The following INPP5F variants were observed in gnomAD, a reference collection of about 807,000 sequenced individuals.
INPP5F encodes the protein phosphatidylinositide 4-phosphatase SAC2.
In INPP5F, 97 loss-of-function variants were observed where a neutral mutation model predicts 137.2. That is an observed-to-expected ratio of 0.71 (90% CI 0.60 to 0.84). INPP5F has a LOEUF of 0.84. Ranked by LOEUF, INPP5F falls within the 40% of genes least tolerant of loss-of-function variation. The pLI is 0.00. For synonymous variants in INPP5F, 504 were observed against 476.9 expected, an observed-to-expected ratio of 1.06 and a Z score of -0.74; for missense variants, 1,271 against 1,371.9, an observed-to-expected ratio of 0.93 and a Z score of 1.16.
chr10:119,796,632 A>G, intron 6 of INPP5F, 83 bp from the exon 7 acceptor site: 1 of 1,043,668 alleles, frequency 9.6e-7, no homozygotes, highest in Non-Finnish European at 1.5e-6. Context: ...AAACTGAGAA[A>G]TATGTGCTGA....
chr10:119,812,018 T>G (rs1851057265), intron 15 of INPP5F, 63 bp downstream of exon 15: 2 of 1,274,306 alleles, frequency 1.6e-6, no homozygotes, highest in Non-Finnish European at 2.3e-6. Context: ...TTGTCATGAT[T>G]AACACTGGCA....
At chr10:119,744,194 C>G (rs1428848682) in intron 1 of INPP5F, among the ~76,000 whole-genome samples, 3 of 152,184 alleles carry the variant, frequency 2.0e-5, no homozygotes, top group African/African-American at 7.2e-5. Context: ...TTGACTCCCC[C>G]CCTTTTTCTT....
Position 119,758,708 on chromosome 10 carries a change from C to G in INPP5F, c.178+7552C>G, listed in dbSNP as rs565973706. On this transcript the variant is annotated intron_variant, in intron 2 of 19. Coordinates refer to ENST00000650623, the MANE Select transcript of INPP5F (RefSeq NM_014937.4). ...CTTGATTAATGTGGCAATAGAGGCT[C>G]TTTGTTTAGTAATTAACTGAATTAC... Among the ~76,000 whole-genome samples the G allele has an allele frequency of 1.3e-5, 2 of 152,288 alleles. 1 individual carries two copies. The highest frequency in any genetic ancestry group is 4.1e-4 in the South Asian group (2 of 4,826).
At chr10:119,821,761 T>C (rs1194035521) in intron 16 of INPP5F, among the ~76,000 whole-genome samples, 2 of 151,794 alleles carry the variant, frequency 1.3e-5, no homozygotes, top group Non-Finnish European at 2.9e-5. Context: ...TGTGTGTGTG[T>C]GCACACGCGC....
At chr10:119,781,126 T>C (rs942877190) in intron 2 of INPP5F, among the ~76,000 whole-genome samples, 2 of 152,260 alleles carry the variant, frequency 1.3e-5, no homozygotes, top group Non-Finnish European at 2.9e-5. Context: ...ATCTGGACAT[T>C]AGGCTGTTTC....
chr10:119,827,073 G>T lies in INPP5F; in HGVS notation c.2692G>T (p.Ala898Ser). ...VLPSCGIIAS[A>S]PRLGSRSQSL... Reference sequence around the variant, plus strand: ...TCCTAGTTGTGGTATTATTGCCTCAGCGCCTCGATTGGGCAGTCGGTCCCA... The same window carrying T: ...TCCTAGTTGTGGTATTATTGCCTCATCGCCTCGATTGGGCAGTCGGTCCCA... The change falls in exon 20 of 20, where the codon GCG (alanine) becomes TCG (serine). Residue 898 changes from alanine to serine, a missense_variant. By Grantham distance (99) the Ala-to-Ser change is moderately conservative (BLOSUM62 1). Coordinates refer to ENST00000650623, the MANE Select transcript of INPP5F (RefSeq NM_014937.4). The T allele has an allele frequency of 2.5e-6, 4 of 1,614,086 alleles. No homozygotes were observed. The highest frequency in any genetic ancestry group is 3.4e-6 in the Non-Finnish European group (4 of 1,179,988).
chr10:119,750,443 A>G (rs561959819), intron 1 of INPP5F, among the ~76,000 whole-genome samples: 1 of 152,304 alleles, frequency 6.6e-6, no homozygotes, highest in East Asian at 1.9e-4. Flanking sequence ...CTAGAATGGA[A>G]CCAGCTTGTG....
At chr10:119,766,136 G>A (rs1849159384) in intron 2 of INPP5F, among the ~76,000 whole-genome samples, 1 of 152,064 alleles carries the variant, frequency 6.6e-6, no homozygotes, top group African/African-American at 2.4e-5. Context: ...ATGTCTGCAG[G>A]CAGGAGAAGA....
chr10:119,795,977 CTG>C (rs1850364872), intron 6 of INPP5F, among the ~76,000 whole-genome samples: 1 of 150,724 alleles, frequency 6.6e-6, no homozygotes, highest in Non-Finnish European at 1.5e-5. Flanking sequence ...ACTCGGCAGG[CTG>C]AGGCAGGAGA....
rs780782328 is a variant in INPP5F at position 119,827,202 on chromosome 10, CCTT to C, written c.2824_2826del (p.Ser942del). On this transcript the variant is annotated inframe_deletion, in exon 20 of 20. Coordinates refer to ENST00000650623, the MANE Select transcript of INPP5F (RefSeq NM_014937.4). The stretch of plus-strand genomic sequence containing the variant: ...CCAGGAGTCTCCTTTGAAGAAAAGT[CCTT>C]CTGCTGGCGACGTACACATATTGAC... The C allele has an allele frequency of 5.6e-6, 9 of 1,614,102 alleles. No individual in the cohort carries two copies. The highest frequency in any genetic ancestry group is 4.4e-5 in the South Asian group (4 of 91,078).
chr10:119,792,016 G>A lies in INPP5F; in HGVS notation c.592G>A (p.Gly198Ser), dbSNP rs772024235. Residue 198 changes from glycine to serine, a missense_variant, in exon 5 of 20, where the codon GGT (glycine) becomes AGT (serine). Transcript: ENST00000650623. ...VQRQSTGERD[G>S]RPLWQKVDDR... ...GAGGCAGAGCACTGGGGAGAGGGAC[G>A]GTCGGCCCCTCTGGCAGAAGGTACC... The A allele has an allele frequency of 1.5e-5, 25 of 1,614,082 alleles. No homozygotes were observed. The Admixed American group carries it at 2.2e-4, about 14-fold the overall frequency.
intron 14 of INPP5F, 129 bp downstream of exon 14, chr10:119,810,346 C>A: frequency 2.0e-6 from 1 of 507,608 alleles, no homozygotes; most frequent in South Asian, 3.4e-5. Flanking sequence ...GAGCATCTTA[C>A]CCAATATATC....
chr10:119,742,624 G>T (rs1177827441), intron 1 of INPP5F, among the ~76,000 whole-genome samples: 1 of 152,218 alleles, frequency 6.6e-6, no homozygotes, highest in South Asian at 2.1e-4. Context: ...TGATGGTGGT[G>T]AGCTGAAAGC....
intron 11 of INPP5F, 121 bp from the exon 12 acceptor site, chr10:119,806,237 TAA>T (rs1850779370): frequency 4.8e-6 from 3 of 618,986 alleles, no homozygotes; most frequent in Admixed American, 6.9e-5. Flanking sequence ...GCATAGCATA[TAA>T]AGATACACCA....
intron 2 of INPP5F, among the ~76,000 whole-genome samples, chr10:119,771,383 CAGA>C (rs34590843): frequency 0.042 from 6,312 of 152,006 alleles, 235 homozygotes; most frequent in South Asian, 0.22. Context: ...GTTGTTTCCG[CAGA>C]AGGAGCTTTT....
chr10:119,786,875 T>G (rs1195992821), intron 3 of INPP5F, among the ~76,000 whole-genome samples: 1 of 152,078 alleles, frequency 6.6e-6, no homozygotes, highest in African/African-American at 2.4e-5. Context: ...GAGAAAACCT[T>G]CCAGTGAAGG....
At chr10:119,797,159 A>G (rs1403824231) in intron 7 of INPP5F, among the ~76,000 whole-genome samples, 2 of 152,190 alleles carry the variant, frequency 1.3e-5, no homozygotes, top group Non-Finnish European at 2.9e-5. Flanking sequence ...GTCACTTGAG[A>G]TGTGCTTCAG....
intron 1 of INPP5F, among the ~76,000 whole-genome samples, chr10:119,733,120 T>A (rs1848131007): frequency 6.6e-6 from 1 of 152,220 alleles, no homozygotes; most frequent in South Asian, 2.1e-4. Flanking sequence ...GAAATGTATC[T>A]TTAGCTATCC....
chr10:119,813,866 A>G (rs1214279185), intron 15 of INPP5F, among the ~76,000 whole-genome samples: 1 of 152,054 alleles, frequency 6.6e-6, no homozygotes, highest in Non-Finnish European at 1.5e-5. Flanking sequence ...TAGAGTCTCA[A>G]ATCTTTTAAG....
Sources: allele counts gnomAD v4.1 joint callset (sites outside exome capture counted in the v4.1 genomes callset), GRCh38; gene constraint gnomAD v4.1.1; transcripts MANE v1.5; gene names NCBI Gene and HGNC (gene_info 2026-07-23, HGNC 2026-07-21).